The following IGSF5 variants were observed in gnomAD, a reference collection of about 807,000 sequenced individuals.
The protein encoded by IGSF5 is immunoglobulin superfamily member 5.
IGSF5 carries 41 observed loss-of-function variants against 39.4 expected under a neutral mutation model. That is an observed-to-expected ratio of 1.04 (90% CI 0.81 to 1.35). The LOEUF (loss-of-function observed/expected upper bound fraction) is 1.35, where lower values mean the gene tolerates loss of function less well. Among genes scored for constraint, IGSF5 ranks in the 40% most tolerant of loss-of-function variants. The pLI is 0.00. For synonymous variants in IGSF5, 183 were observed against 175.3 expected, an observed-to-expected ratio of 1.04 and a Z score of -0.34; for missense variants, 487 against 494.6, an observed-to-expected ratio of 0.98 and a Z score of 0.15.
intron 2 of IGSF5, among the ~76,000 whole-genome samples, chr21:39,747,454 A>G (rs1218655237): frequency 1.3e-5 from 2 of 152,130 alleles, no homozygotes; most frequent in African/African-American, 4.8e-5. Flanking sequence ...GGGGGGTTCC[A>G]GGAACCTGGA....
the IGSF5 span, among the ~76,000 whole-genome samples, chr21:39,719,322 C>A: frequency 6.6e-6 from 1 of 152,270 alleles, no homozygotes; most frequent in African/African-American, 2.4e-5. Context: ...TGACTGTAAG[C>A]TCCATGAGGG....
rs116800515 is a variant in IGSF5, at chr21:39,757,133, C to T, written c.101-8402C>T. ...GCGGCGGCTGTTGTCTCACCTCATT[C>T]GCTGTGCATGGTGCACCTTCCCGGG... On this transcript the variant is annotated intron_variant, in intron 2 of 8. Coordinates refer to ENST00000380588, the MANE Select transcript of IGSF5 (RefSeq NM_001080444.2). Among the ~76,000 whole-genome samples, 10 of 152,110 alleles carry T rather than the reference C, an allele frequency of 6.6e-5. No homozygotes were observed. The East Asian group carries it at 1.9e-3, about 30-fold the overall frequency.
intron 2 of IGSF5, among the ~76,000 whole-genome samples, chr21:39,749,952 C>T (rs766691221): frequency 8.5e-5 from 13 of 152,232 alleles, no homozygotes; most frequent in Non-Finnish European, 1.6e-4. Context: ...AGATCAGCTA[C>T]AATTTACATT....
chr21:39,721,416 G>A, the IGSF5 span, among the ~76,000 whole-genome samples: 2 of 152,162 alleles, frequency 1.3e-5, no homozygotes, highest in East Asian at 3.8e-4. Context: ...AAACCAAGAA[G>A]GGGTGCTGGA....
Position 39,790,995 on chromosome 21 carries a change from C to A in IGSF5, c.957-1013C>A, listed in dbSNP as rs557741624. Among the ~76,000 whole-genome samples, 3 of 152,286 alleles carry A rather than the reference C, an allele frequency of 2.0e-5. No individual in the cohort carries two copies. The South Asian group carries it at 6.2e-4, about 32-fold the overall frequency. ...GTTATATGCATATGCAAATCCTACA[C>A]CATTTTATATCAGAGACTTGAGCAT... On this transcript the variant is annotated intron_variant, in intron 6 of 8. Transcript: ENST00000380588.
At chr21:39,760,727 C>A (rs567063501) in intron 2 of IGSF5, among the ~76,000 whole-genome samples, 1 of 152,030 alleles carries the variant, frequency 6.6e-6, no homozygotes, top group Non-Finnish European at 1.5e-5. Flanking sequence ...CATGCCACCA[C>A]GCCCAGCTAA....
the IGSF5 span, chr21:39,730,246 C>G: frequency 6.6e-6 from 1 of 152,156 alleles, no homozygotes; most frequent in African/African-American, 2.4e-5. Flanking sequence ...TTCATATTGC[C>G]TTTTGTCTCT....
the IGSF5 span, among the ~76,000 whole-genome samples, chr21:39,739,913 C>T: frequency 6.6e-6 from 1 of 152,136 alleles, no homozygotes; most frequent in African/African-American, 2.4e-5. Flanking sequence ...GGGGATACTT[C>T]TTTGGCACAC....
chr21:39,783,487 C>T (rs2080181786), intron 5 of IGSF5, among the ~76,000 whole-genome samples: 1 of 152,042 alleles, frequency 6.6e-6, no homozygotes, highest in Non-Finnish European at 1.5e-5. Flanking sequence ...TTTTTTCATA[C>T]ATTTGTTGAC....
rs774597297 is a variant in IGSF5, at chr21:39,771,053, A to G, written c.556A>G (p.Ser186Gly). ...WELGLLVSHS[S>G]YYFVPEPSDL... ...GCTCGGTCTCCTGGTCAGCCATTCA[A>G]GCTATTATTTTGTTCCGGAGCCCAG... The change falls in exon 4 of 9, where the codon AGC becomes GGC. Residue 186 changes from serine (S) to glycine (G), a missense_variant. Ser to Gly is a moderately conservative substitution (Grantham distance 56, BLOSUM62 0). Coordinates refer to ENST00000380588, the MANE Select transcript of IGSF5 (RefSeq NM_001080444.2). 12 of 1,613,598 alleles carry G rather than the reference A, an allele frequency of 7.4e-6. No homozygotes were observed. Among genetic ancestry groups the G allele is most frequent in the Non-Finnish European group, 9.3e-6 (11 of 1,179,884 alleles).
At chr21:39,759,333 C>T (rs78252159) in intron 2 of IGSF5, among the ~76,000 whole-genome samples, 6,145 of 152,216 alleles carry the variant, frequency 0.04, 419 homozygotes, top group African/African-American at 0.14. Context: ...GTAAGCAATG[C>T]AAAACGTTCT....
At chr21:39,750,050 G>A (rs1053417608) in intron 2 of IGSF5, among the ~76,000 whole-genome samples, 1 of 152,166 alleles carries the variant, frequency 6.6e-6, no homozygotes, top group African/African-American at 2.4e-5. Context: ...TTGTGAAGGA[G>A]GTATGCAGCT....
chr21:39,736,440 A>G, the IGSF5 span, among the ~76,000 whole-genome samples: 1 of 152,140 alleles, frequency 6.6e-6, no homozygotes, highest in Non-Finnish European at 1.5e-5. Context: ...ACCAAACAAA[A>G]CAAAACAAAA....
intron 5 of IGSF5, among the ~76,000 whole-genome samples, chr21:39,780,661 A>G (rs2080165572): frequency 1.3e-5 from 2 of 152,206 alleles, no homozygotes; most frequent in African/African-American, 4.8e-5. Context: ...GTTTCTTTAG[A>G]ATGAAATTCT....
chr21:39,730,955 C>A, the IGSF5 span, among the ~76,000 whole-genome samples: 5 of 152,196 alleles, frequency 3.3e-5, no homozygotes, highest in African/African-American at 1.2e-4. Context: ...AAAGACTGTG[C>A]ATGTTTTAAA....
In IGSF5 at chr21:39,771,251, G is replaced by T. The variant is rs779344761; in HGVS notation, c.718+36G>T. 2.1e-6 allele frequency: 3 copies of T among 1,450,690 alleles called. No individual in the cohort carries two copies. In the East Asian group the frequency reaches 7.1e-5, roughly 34 times the overall value. The allele number at this position is 1,450,690 out of a possible 1,614,324, so 89.9% of individuals were successfully genotyped here. On this transcript the variant is annotated intron_variant, in intron 4 of 8. Coordinates refer to ENST00000380588, the MANE Select transcript of IGSF5 (RefSeq NM_001080444.2). ...ACATTCTGCTTTATATGAAATGAAT[G>T]ATTATTTCATGCTTCAATATTACGT... is the stretch of plus-strand genomic sequence containing the variant.
At chr21:39,737,085 C>T in the IGSF5 span, among the ~76,000 whole-genome samples, 7 of 152,004 alleles carry the variant, frequency 4.6e-5, no homozygotes, top group South Asian at 6.2e-4. Flanking sequence ...TGAGATTATT[C>T]GGCTAATATG....
At chr21:39,778,938 A>T in intron 4 of IGSF5, 152 bp from the exon 5 acceptor site, 1 of 790,348 alleles carries the variant, frequency 1.3e-6, no homozygotes, top group Non-Finnish European at 2.0e-6. Context: ...GAATAATTAA[A>T]CACATTGAAA....
At chr21:39,756,115 AAACAAAC>A (rs2080029192) in intron 2 of IGSF5, among the ~76,000 whole-genome samples, 1 of 120,868 alleles carries the variant, frequency 8.3e-6, no homozygotes, top group African/African-American at 3.4e-5. Context: ...ACAAACAAAC[AAACAAAC>A]GAAAGAATTA....
Sources: gnomAD v4.1 joint callset for allele counts (sites outside exome capture counted in the v4.1 genomes callset) on GRCh38, gnomAD v4.1.1 for gene constraint, MANE v1.5 for transcripts, NCBI Gene and HGNC (gene_info 2026-07-23, HGNC 2026-07-21) for gene names.